PAK5: variants seen among roughly 807,000 people sequenced by gnomAD.
PAK5 encodes the protein p21 (RAC1) activated kinase 5.
Under a neutral mutation model 65.9 loss-of-function variants are expected in PAK5, and 16 were observed. The ratio of observed to expected loss-of-function variants is 0.24; its 90% CI spans 0.16 to 0.37. The LOEUF (loss-of-function observed/expected upper bound fraction) is 0.37, where lower values mean the gene tolerates loss of function less well. Among genes scored for constraint, PAK5 ranks in the 10% least tolerant of loss-of-function variants. The probability of loss-of-function intolerance (pLI) is 1.00; values close to 1 mark genes in which losing one functional copy is unlikely to be tolerated. For synonymous variants in PAK5, 371 were observed against 354.9 expected (o/e 1.05, Z -0.51); for missense variants, 785 against 903.9 (o/e 0.87, Z 1.69).
At chr20:9,545,330 G>A (rs1022321712) in intron 7 of PAK5, among the ~76,000 whole-genome samples, 1 of 152,142 alleles carries the variant, frequency 6.6e-6, no homozygotes, top group Admixed American at 6.5e-5. Context: ...TAGATGACCG[G>A]GATTCAGTTT....
chr20:9,811,807 G>C (rs1023882880), intron 1 of PAK5, among the ~76,000 whole-genome samples: 3 of 152,126 alleles, frequency 2.0e-5, no homozygotes, highest in Non-Finnish European at 4.4e-5. Context: ...AAGTTACTAT[G>C]CTCCTTCTAA....
intron 2 of PAK5, among the ~76,000 whole-genome samples, chr20:9,691,695 T>G (rs2047799768): frequency 1.3e-5 from 2 of 152,308 alleles, no homozygotes; most frequent in South Asian, 4.1e-4. Flanking sequence ...TTACTATTAT[T>G]TACAATGAAA....
At chr20:9,758,740 A>G (rs2048664015) in intron 1 of PAK5, among the ~76,000 whole-genome samples, 1 of 152,224 alleles carries the variant, frequency 6.6e-6, no homozygotes, top group East Asian at 1.9e-4. Context: ...GTGGGAACTA[A>G]AATGAACATA....
At chr20:9,797,107 T>A (rs941557777) in intron 1 of PAK5, among the ~76,000 whole-genome samples, 2 of 151,494 alleles carry the variant, frequency 1.3e-5, no homozygotes, top group Non-Finnish European at 2.9e-5. Flanking sequence ...TGGTATCTCA[T>A]TGTGGTTTTG....
At chr20:9,699,951 A>G in intron 2 of PAK5, among the ~76,000 whole-genome samples, 1 of 152,148 alleles carries the variant, frequency 6.6e-6, no homozygotes, top group African/African-American at 2.4e-5. Flanking sequence ...GCAAAAGGAG[A>G]CAGTTAACTC....
At chr20:9,555,914 T>C (rs1263901378) in intron 7 of PAK5, among the ~76,000 whole-genome samples, 2 of 152,204 alleles carry the variant, frequency 1.3e-5, no homozygotes, top group Non-Finnish European at 2.9e-5. Context: ...GCACTGTCCC[T>C]GCTGAGAGCC....
At chr20:9,547,157 T>G (rs1181084782) in intron 7 of PAK5, among the ~76,000 whole-genome samples, 1 of 152,142 alleles carries the variant, frequency 6.6e-6, no homozygotes, top group Admixed American at 6.5e-5. Context: ...GGGATGAGTT[T>G]ACAAGCCAAG....
At chr20:9,794,575 C>T (rs539971026) in intron 1 of PAK5, among the ~76,000 whole-genome samples, 1 of 152,160 alleles carries the variant, frequency 6.6e-6, no homozygotes, top group Admixed American at 6.6e-5. Context: ...GACATATGCA[C>T]TGTGATGTTG....
intron 1 of PAK5, among the ~76,000 whole-genome samples, chr20:9,819,983 C>G (rs1310438705): frequency 6.6e-6 from 1 of 152,134 alleles, no homozygotes; most frequent in South Asian, 2.1e-4. Context: ...CAGAAACACT[C>G]AGAGCTGAAA....
At chr20:9,542,995 C>T (rs2045291081) in intron 8 of PAK5, among the ~76,000 whole-genome samples, 1 of 152,150 alleles carries the variant, frequency 6.6e-6, no homozygotes, top group Non-Finnish European at 1.5e-5. Flanking sequence ...ACTCTGTAAA[C>T]TTTAGTAGTT....
intron 2 of PAK5, among the ~76,000 whole-genome samples, chr20:9,656,114 A>G (rs897428120): frequency 7.2e-5 from 11 of 152,156 alleles, no homozygotes; most frequent in African/African-American, 2.7e-4. Flanking sequence ...AAATGCTAGC[A>G]AGTTGGCTTT....
intron 2 of PAK5, among the ~76,000 whole-genome samples, chr20:9,652,492 G>C (rs558144462): frequency 6.6e-6 from 1 of 152,088 alleles, no homozygotes; most frequent in Non-Finnish European, 1.5e-5. Context: ...CCTTTCCTTG[G>C]ATTCATCTAC....
chr20:9,752,009 T>C (rs1202668103), intron 1 of PAK5, among the ~76,000 whole-genome samples: 1 of 152,166 alleles, frequency 6.6e-6, no homozygotes. Flanking sequence ...TTTGACTTTA[T>C]GAAGCACACA....
chr20:9,553,394 A>G (rs1026541535), intron 7 of PAK5, among the ~76,000 whole-genome samples: 2 of 152,154 alleles, frequency 1.3e-5, no homozygotes, highest in African/African-American at 4.8e-5. Flanking sequence ...AATGGCAATT[A>G]CTTTTGCACC....
At chr20:9,687,044 C>T (rs73067755) in intron 2 of PAK5, among the ~76,000 whole-genome samples, 2,441 of 152,212 alleles carry the variant, frequency 0.016, 31 homozygotes, top group Middle Eastern at 0.048. Flanking sequence ...GCAAAGGAGC[C>T]GCCCCCTCCT....
At chr20:9,654,855 C>T (rs865829700) in intron 2 of PAK5, among the ~76,000 whole-genome samples, 1 of 152,162 alleles carries the variant, frequency 6.6e-6, no homozygotes, top group South Asian at 2.1e-4. Flanking sequence ...TGACCCTCAC[C>T]CAAAGTCTCT....
rs142198478 is a variant in PAK5, at chr20:9,623,740, C to T, written c.204+20385G>A. On this transcript the variant is annotated intron_variant, in intron 3 of 9. Coordinates refer to ENST00000353224, the MANE Select transcript of PAK5 (RefSeq NM_177990.4). ...TAATGCAAGAATTCTCGCAAAACAACAGGAAAGTTGACAAAGGATTTGAAT... is the reference window on the plus strand; with the variant it reads ...TAATGCAAGAATTCTCGCAAAACAATAGGAAAGTTGACAAAGGATTTGAAT... Among the ~76,000 whole-genome samples the T allele has an allele frequency of 8.1e-4, 124 of 152,276 alleles. 1 individual carries two copies. Among genetic ancestry groups the T allele is most frequent in the South Asian group, 3.5e-3 (17 of 4,822 alleles).
intron 6 of PAK5, among the ~76,000 whole-genome samples, chr20:9,561,902 C>A (rs2122973360): frequency 6.6e-6 from 1 of 152,274 alleles, no homozygotes; most frequent in African/African-American, 2.4e-5. Flanking sequence ...AGCAGCATTG[C>A]CATTGCCTGA....
At chr20:9,552,800 C>A (rs980133430) in intron 7 of PAK5, among the ~76,000 whole-genome samples, 3 of 151,568 alleles carry the variant, frequency 2.0e-5, no homozygotes, top group African/African-American at 7.3e-5. Context: ...TGGCTCACTG[C>A]AGCCTTAAAC....
Sources: allele counts gnomAD v4.1 joint callset (sites outside exome capture counted in the v4.1 genomes callset), GRCh38; gene constraint gnomAD v4.1.1; transcripts MANE v1.5; gene names NCBI Gene and HGNC (gene_info 2026-07-23, HGNC 2026-07-21).